The following KCNH1 variants were observed in gnomAD, a reference collection of about 807,000 sequenced individuals.
The protein encoded by KCNH1 is voltage-gated delayed rectifier potassium channel KCNH1.
A neutral mutation model predicts 69.2 loss-of-function variants in KCNH1; 27 were observed. That is an observed-to-expected ratio of 0.39 (90% confidence interval 0.29 to 0.54). KCNH1 has a LOEUF of 0.54. KCNH1 is among the 20% of genes least tolerant of loss of function. The pLI, the probability that KCNH1 is intolerant of heterozygous loss-of-function variation, is 0.68. For missense variants in KCNH1, 798 were observed against 1,261.6 expected, an observed-to-expected ratio of 0.63 and a Z score of 5.57; for synonymous variants, 456 against 487.7, an observed-to-expected ratio of 0.93 and a Z score of 0.86.
At chr1:210,825,121 A>T (rs1356212140) in intron 7 of KCNH1, among the ~76,000 whole-genome samples, 1 of 152,194 alleles carries the variant, frequency 6.6e-6, no homozygotes, top group Non-Finnish European at 1.5e-5. Context: ...GGTTCACCTC[A>T]TTCATTTTCA....
intron 1 of KCNH1, among the ~76,000 whole-genome samples, chr1:211,120,555 T>C (rs1251043251): frequency 6.6e-6 from 1 of 152,072 alleles, no homozygotes; most frequent in Non-Finnish European, 1.5e-5. Flanking sequence ...TCTATATATA[T>C]TATAGACAAT....
intron 1 of KCNH1, among the ~76,000 whole-genome samples, chr1:211,126,375 T>C (rs1157799017): frequency 1.3e-5 from 2 of 152,008 alleles, no homozygotes; most frequent in Non-Finnish European, 2.9e-5. Flanking sequence ...CCGGGCATGG[T>C]GGCGGGCTCC....
At chr1:210,713,948 A>G (rs1682146391) in intron 10 of KCNH1, among the ~76,000 whole-genome samples, 1 of 152,178 alleles carries the variant, frequency 6.6e-6, no homozygotes, top group African/African-American at 2.4e-5. Context: ...TAGGGTTCAC[A>G]TATTATCCTG....
At chr1:210,990,070 T>C (rs1434444379) in intron 6 of KCNH1, among the ~76,000 whole-genome samples, 1 of 152,166 alleles carries the variant, frequency 6.6e-6, no homozygotes, top group Non-Finnish European at 1.5e-5. Flanking sequence ...AGGGTACATA[T>C]CTCCCCCACC....
chr1:210,815,617 A>G (rs1684798229), intron 7 of KCNH1, among the ~76,000 whole-genome samples: 1 of 152,190 alleles, frequency 6.6e-6, no homozygotes, highest in Non-Finnish European at 1.5e-5. Context: ...TACTCTCTAC[A>G]GGGCTAGTTC....
intron 7 of KCNH1, among the ~76,000 whole-genome samples, chr1:210,912,706 T>C (rs1687258942): frequency 6.6e-6 from 1 of 152,190 alleles, no homozygotes; most frequent in African/African-American, 2.4e-5. Context: ...CCCCAAATGG[T>C]ACCTCCATTT....
chr1:210,821,944 C>T (rs943244445), intron 7 of KCNH1, among the ~76,000 whole-genome samples: 1 of 151,948 alleles, frequency 6.6e-6, no homozygotes, highest in Non-Finnish European at 1.5e-5. Context: ...TCAAGTAATC[C>T]TCCCACCTCA....
intron 10 of KCNH1, among the ~76,000 whole-genome samples, chr1:210,699,773 C>T (rs760064490): frequency 1.3e-5 from 2 of 152,140 alleles, no homozygotes; most frequent in African/African-American, 2.4e-5. Flanking sequence ...GTTAACCTAA[C>T]CAGATGAGTA....
intron 7 of KCNH1, among the ~76,000 whole-genome samples, chr1:210,906,037 T>A (rs1687095748): frequency 6.6e-6 from 1 of 152,160 alleles, no homozygotes; most frequent in South Asian, 2.1e-4. Flanking sequence ...TTTCAGGATC[T>A]CAAGGGAGCA....
At chr1:211,130,217 A>T (rs1691851466) in intron 1 of KCNH1, among the ~76,000 whole-genome samples, 2 of 152,222 alleles carry the variant, frequency 1.3e-5, no homozygotes, top group Non-Finnish European at 2.9e-5. Flanking sequence ...ACATGACCAT[A>T]AGCAAAATCA....
At chr1:210,862,220 T>C in intron 7 of KCNH1, 6 of 1,177,828 alleles carry the variant, frequency 5.1e-6, no homozygotes, top group East Asian at 2.4e-5. Context: ...TGGCGCTCCA[T>C]GGCCTCTTGC....
At chr1:210,721,373 T>C (rs1452631983) in intron 10 of KCNH1, among the ~76,000 whole-genome samples, 1 of 152,180 alleles carries the variant, frequency 6.6e-6, no homozygotes, top group Non-Finnish European at 1.5e-5. Flanking sequence ...AGAGTTCTGC[T>C]CACAAAGGCT....
chr1:211,116,353 A>G lies in KCNH1; in HGVS notation c.80-8976T>C, dbSNP rs180751407. Among the ~76,000 whole-genome samples the G allele has an allele frequency of 1.4e-4, 21 of 152,328 alleles. No individual in the cohort carries two copies. The East Asian group carries it at 3.9e-3, about 28-fold the overall frequency. ...AATATAACTTCTGCAGTAGTCTTTA[A>G]TGGAATCAGCAGAGCCACAACTTGC... On this transcript the variant is annotated intron_variant, in intron 1 of 10. Transcript: ENST00000271751.
At chr1:211,115,715 ATG>A (rs200671700) in intron 1 of KCNH1, among the ~76,000 whole-genome samples, 41,002 of 110,746 alleles carry the variant, frequency 0.37, 10,125 homozygotes, top group African/African-American at 0.62. Flanking sequence ...ATATATATAT[ATG>A]TATATATATA....
At chr1:211,014,388 C>T (rs10494931) in intron 6 of KCNH1, among the ~76,000 whole-genome samples, 64,738 of 152,038 alleles carry the variant, frequency 0.43, 14,901 homozygotes, top group African/African-American at 0.59. Flanking sequence ...AATGTGCAAA[C>T]ATATTCTCAA....
intron 6 of KCNH1, among the ~76,000 whole-genome samples, chr1:210,965,370 A>T (rs1192690163): frequency 6.6e-6 from 1 of 152,144 alleles, no homozygotes; most frequent in African/African-American, 2.4e-5. Flanking sequence ...TCAGCCCAAA[A>T]TCTCCTTAAG....
chr1:211,113,519 G>A (rs1387127132), intron 1 of KCNH1, among the ~76,000 whole-genome samples: 1 of 152,048 alleles, frequency 6.6e-6, no homozygotes, highest in East Asian at 1.9e-4. Flanking sequence ...TAGTGTGCTG[G>A]CCAATTTCTA....
chr1:211,087,663 A>G (rs1026890369), intron 4 of KCNH1, among the ~76,000 whole-genome samples: 3 of 136,526 alleles, frequency 2.2e-5, no homozygotes, highest in Non-Finnish European at 3.2e-5. Flanking sequence ...ACACACACAC[A>G]CCCCAGAGCT....
chr1:210,947,576 A>G (rs1277705178), intron 6 of KCNH1, among the ~76,000 whole-genome samples: 2 of 125,940 alleles, frequency 1.6e-5, no homozygotes, highest in African/African-American at 2.5e-5. Context: ...CTCTGTCTCA[A>G]AAAAAAAAAA....
Sources: allele counts gnomAD v4.1 joint callset (sites outside exome capture counted in the v4.1 genomes callset), GRCh38; gene constraint gnomAD v4.1.1; transcripts MANE v1.5; gene names NCBI Gene and HGNC (gene_info 2026-07-23, HGNC 2026-07-21).